Variants in ERO1A observed in about 807,000 individuals in gnomAD.
ERO1A encodes the protein endoplasmic reticulum oxidoreductase 1 alpha.
In ERO1A, 49 loss-of-function variants were observed where a neutral mutation model predicts 76.9. The ratio of observed to expected loss-of-function variants is 0.64; its 90% CI spans 0.51 to 0.81. The LOEUF (loss-of-function observed/expected upper bound fraction) is 0.81, where lower values mean the gene tolerates loss of function less well. Ranked by LOEUF, ERO1A falls within the 30% of genes least tolerant of loss-of-function variation. The pLI, the probability that ERO1A is intolerant of heterozygous loss-of-function variation, is 0.00. For missense variants in ERO1A, 448 were observed against 542.1 expected, an observed-to-expected ratio of 0.83 and a Z score of 1.72; for synonymous variants, 174 against 181.2, an observed-to-expected ratio of 0.96 and a Z score of 0.32.
intron 1 of ERO1A, among the ~76,000 whole-genome samples, chr14:52,689,528 T>G (rs977997086): frequency 1.3e-5 from 2 of 152,072 alleles, no homozygotes; most frequent in East Asian, 3.8e-4. Context: ...AAAACAATTC[T>G]ATTTAGAATA....
intron 4 of ERO1A, among the ~76,000 whole-genome samples, chr14:52,678,023 T>C (rs1350899129): frequency 6.6e-6 from 1 of 152,076 alleles, no homozygotes; most frequent in Non-Finnish European, 1.5e-5. Flanking sequence ...CCCAGCACTT[T>C]GGGAGGCCAA....
intron 13 of ERO1A, 105 bp downstream of exon 13, chr14:52,652,134 C>G: frequency 4.7e-6 from 3 of 637,298 alleles, no homozygotes; most frequent in Non-Finnish European, 5.4e-6. Context: ...CCCTGGCCTA[C>G]TCTCTACTTC....
At chr14:52,672,757 G>A (rs1473490385) in intron 4 of ERO1A, among the ~76,000 whole-genome samples, 2 of 122,448 alleles carry the variant, frequency 1.6e-5, no homozygotes, top group East Asian at 2.5e-4. Flanking sequence ...GGGCAACAGA[G>A]ACAGACCCTG....
chr14:52,666,262 C>T (rs2139694268), intron 7 of ERO1A, 113 bp downstream of exon 7: 2 of 785,088 alleles, frequency 2.5e-6, no homozygotes, highest in Non-Finnish European at 4.0e-6. Flanking sequence ...CTTGTACAAA[C>T]ACATCTTTTA....
intron 7 of ERO1A, 65 bp from the exon 8 acceptor site, chr14:52,663,912 ATAT>A (rs2040316692): frequency 1.1e-6 from 1 of 945,358 alleles, no homozygotes; most frequent in Non-Finnish European, 1.6e-6. Flanking sequence ...TATTTAAGTG[ATAT>A]TATCTCAGAA....
intron 7 of ERO1A, among the ~76,000 whole-genome samples, chr14:52,664,356 T>C (rs1234543948): frequency 6.6e-6 from 1 of 152,156 alleles, no homozygotes; most frequent in Non-Finnish European, 1.5e-5. Context: ...ATAAAAGTTG[T>C]TTGTTCAGTA....
chr14:52,665,585 C>A (rs1195889917), intron 7 of ERO1A, among the ~76,000 whole-genome samples: 1 of 152,078 alleles, frequency 6.6e-6, no homozygotes, highest in Non-Finnish European at 1.5e-5. Flanking sequence ...TTTCCCAGAA[C>A]TCTCTCCATC....
intron 1 of ERO1A, among the ~76,000 whole-genome samples, chr14:52,692,673 C>T (rs1035104560): frequency 6.6e-6 from 1 of 152,200 alleles, no homozygotes; most frequent in African/African-American, 2.4e-5. Flanking sequence ...GAACATTATT[C>T]ACTAAACTAT....
chr14:52,691,434 A>T (rs140214675), intron 1 of ERO1A, among the ~76,000 whole-genome samples: 8 of 152,352 alleles, frequency 5.3e-5, no homozygotes, highest in African/African-American at 1.7e-4. Context: ...AAAGCCTGGA[A>T]TGCAGCACAC....
chr14:52,658,449 A>G (rs899307655), intron 9 of ERO1A: 6 of 252,140 alleles, frequency 2.4e-5, no homozygotes, highest in Non-Finnish European at 3.7e-5. Context: ...TTTAAATAGT[A>G]AATCAGTCAA....
At chr14:52,651,203 G>T (rs1163222435) in intron 13 of ERO1A, among the ~76,000 whole-genome samples, 1 of 151,700 alleles carries the variant, frequency 6.6e-6, no homozygotes, top group Non-Finnish European at 1.5e-5. Context: ...TGGGAGGATC[G>T]CTTGAGCACA....
chr14:52,667,921 C>T (rs564412501), intron 6 of ERO1A, among the ~76,000 whole-genome samples: 2 of 151,548 alleles, frequency 1.3e-5, no homozygotes, highest in South Asian at 4.2e-4. Flanking sequence ...CTCAACTATA[C>T]CTATTTTTAT....
At chr14:52,667,683 C>T (rs955782722) in intron 6 of ERO1A, among the ~76,000 whole-genome samples, 3 of 152,064 alleles carry the variant, frequency 2.0e-5, no homozygotes, top group Non-Finnish European at 4.4e-5. Flanking sequence ...GATTGCACCA[C>T]GGCACTCCAG....
chr14:52,662,926 G>C (rs1364576732), intron 8 of ERO1A, among the ~76,000 whole-genome samples: 1 of 152,094 alleles, frequency 6.6e-6, no homozygotes, highest in Non-Finnish European at 1.5e-5. Flanking sequence ...ATAAAATAAT[G>C]CTACACAGTG....
Position 52,653,053 on chromosome 14 carries a change from T to C in ERO1A, c.1055+16A>G. 6.8e-7 allele frequency: 1 copy of C among 1,471,558 alleles called. No homozygotes were observed. The highest frequency in any genetic ancestry group is 9.4e-7 in the Non-Finnish European group (1 of 1,063,060). The allele number at this position is 1,471,558 out of a possible 1,614,324, so 91.2% of individuals were successfully genotyped here. A position where few individuals can be genotyped will look rare whatever the true frequency, so the allele number is the denominator to read the frequency against. ...TCACTCTTCTATTAATGTATAAAGT[T>C]TAATATATAATTTACTTGATTTCAT... On this transcript the variant is annotated intron_variant, in intron 12 of 15. Coordinates refer to ENST00000395686, the MANE Select transcript of ERO1A (RefSeq NM_014584.3).
At chr14:52,692,400 A>G (rs1420139152) in intron 1 of ERO1A, among the ~76,000 whole-genome samples, 1 of 152,196 alleles carries the variant, frequency 6.6e-6, no homozygotes, top group Non-Finnish European at 1.5e-5. Flanking sequence ...GGCACCATGC[A>G]GCAGTGTGAT....
rs2039491419 is a variant in ERO1A at position 52,642,001 on chromosome 14, A to G, written c.*1569T>C. The G allele has an allele frequency of 6.6e-6, 1 of 152,226 alleles. No individual in the cohort carries two copies. Among genetic ancestry groups the G allele is most frequent in the Non-Finnish European group, 1.5e-5 (1 of 68,030 alleles). The allele number at this position is 152,226 out of a possible 1,614,324, so 9.4% of individuals were successfully genotyped here. A position where few individuals can be genotyped will look rare whatever the true frequency, so the allele number is the denominator to read the frequency against. ...TAAACTGACATTTCTTAACCACTAT[A>G]TAAATAAACCCCACTTTACTACTAA... is the stretch of plus-strand genomic sequence containing the variant. On this transcript the variant is annotated 3_prime_UTR_variant, in exon 16 of 16. Coordinates refer to ENST00000395686, the MANE Select transcript of ERO1A (RefSeq NM_014584.3).
At position 52,679,495 on chromosome 14, in the gene ERO1A, C is replaced by T. The variant is rs192536823; in HGVS notation, c.319-1023G>A. Among the ~76,000 whole-genome samples, 471 of 151,846 alleles carry T rather than the reference C, an allele frequency of 3.1e-3. 11 individuals are homozygous for T. The highest frequency in any genetic ancestry group is 0.028 in the Admixed American group (432 of 15,232). ...GTGGCAGATCTTGGCTCACTGCAACCTCCGCCTCCTGGGTTCAAATGATTC... is the reference window on the plus strand; with the variant it reads ...GTGGCAGATCTTGGCTCACTGCAACTTCCGCCTCCTGGGTTCAAATGATTC... On this transcript the variant is annotated intron_variant, in intron 3 of 15. Transcript: ENST00000395686.
chr14:52,666,324 G>T, intron 7 of ERO1A, 51 bp downstream of exon 7: 1 of 1,314,124 alleles, frequency 7.6e-7, no homozygotes, highest in Non-Finnish European at 1.1e-6. Context: ...TGTTTATAAA[G>T]AGAAATCACC....
Sources: allele counts gnomAD v4.1 joint callset (sites outside exome capture counted in the v4.1 genomes callset), GRCh38; gene constraint gnomAD v4.1.1; transcripts MANE v1.5; gene names NCBI Gene and HGNC (gene_info 2026-07-23, HGNC 2026-07-21).